The following BRIP1 variants were observed in gnomAD, a reference collection of about 807,000 sequenced individuals.
The protein encoded by BRIP1 is Fanconi anemia group J protein.
BRIP1 carries 88 observed loss-of-function variants against 119.7 expected under a neutral mutation model. The ratio of observed to expected loss-of-function variants is 0.74; its 90% confidence interval spans 0.62 to 0.88. BRIP1 has a LOEUF of 0.88. BRIP1 is among the 40% of genes least tolerant of loss of function. The pLI is 0.00. For missense variants in BRIP1, 1,259 were observed against 1,455.4 expected (o/e 0.87, Z 2.20); for synonymous variants, 443 against 496.5 (o/e 0.89, Z 1.43).
At position 61,689,026 on chromosome 17, in the gene BRIP1, C is replaced by CTGTTATGTTATGTTATGTTATGTTA. The variant is rs142198967; in HGVS notation, c.2576-2886_2576-2862dup. On this transcript the variant is annotated intron_variant, in intron 18 of 19. Transcript: ENST00000259008. The surrounding 1 kb of genome is among the most constrained non-coding windows in gnomAD (Gnocchi z 4.5). ...TACTTTATTTTATATATTTTATATT[C>CTGTTATGTTATGTTATGTTATGTTA]TGTTATGTTATGTTATGTTATGTTA... Among the ~76,000 whole-genome samples the CTGTTATGTTATGTTATGTTATGTTA allele has an allele frequency of 0.18, 26,749 of 145,462 alleles. 2,717 individuals carry two copies. The highest frequency in any genetic ancestry group is 0.33 in the East Asian group (1,625 of 4,894).
intron 16 of BRIP1, among the ~76,000 whole-genome samples, chr17:61,727,197 G>C (rs1319264096): frequency 6.6e-6 from 1 of 152,058 alleles, no homozygotes; most frequent in East Asian, 1.9e-4. Flanking sequence ...GTAATATGAC[G>C]CATAATGGCA....
chr17:61,728,653 CAA>C (rs768252464), intron 16 of BRIP1, among the ~76,000 whole-genome samples: 59 of 152,068 alleles, frequency 3.9e-4, no homozygotes, highest in Non-Finnish European at 7.6e-4. Flanking sequence ...AAGCAAGAAA[CAA>C]GAGGAAGATC....
chr17:61,786,827 TTTTA>T (rs923671248), intron 10 of BRIP1, among the ~76,000 whole-genome samples: 1 of 128,610 alleles, frequency 7.8e-6, no homozygotes, highest in African/African-American at 2.9e-5. Flanking sequence ...TATAAATATA[TTTTA>T]TATAATATAT....
rs1045154931 is a variant in BRIP1, at chr17:61,851,009, C to G, written c.380-1753G>C. ...TTGGGAGGCCGAGGCAGGTGGATCA[C>G]CTGAGGCCAGGAGTTTGAGACCAGC... is the stretch of plus-strand genomic sequence containing the variant. On this transcript the variant is annotated intron_variant, in intron 4 of 19. Coordinates refer to ENST00000259008, the MANE Select transcript of BRIP1 (RefSeq NM_032043.3). This position sits in a 1 kb window ranked among gnomAD's most constrained non-coding sequence, Gnocchi z 4.6. 6.6e-6 allele frequency among the ~76,000 whole-genome samples: 1 copy of G among 152,096 alleles called. No individual in the cohort carries two copies. The highest frequency in any genetic ancestry group is 1.5e-5 in the Non-Finnish European group (1 of 68,010).
intron 16 of BRIP1, among the ~76,000 whole-genome samples, chr17:61,719,083 C>G (rs1369978925): frequency 1.3e-5 from 2 of 151,734 alleles, no homozygotes; most frequent in African/African-American, 2.4e-5. Context: ...CCCATAAATA[C>G]AGAGGGCCAG....
At position 61,774,442 on chromosome 17, in the gene BRIP1, G is replaced by A. The variant is rs980592457; in HGVS notation, c.2097+1959C>T. Among the ~76,000 whole-genome samples, 1 of 152,282 alleles carries A rather than the reference G, an allele frequency of 6.6e-6. No individual in the cohort carries two copies. The highest frequency in any genetic ancestry group is 6.5e-5 in the Admixed American group (1 of 15,294). ...ACACACTGGGGCCTGTTCTGGGGTGGGGGCCTAGGGGAGGGATAGCATTAG... is the reference window on the plus strand; with the variant it reads ...ACACACTGGGGCCTGTTCTGGGGTGAGGGCCTAGGGGAGGGATAGCATTAG... On this transcript the variant is annotated intron_variant, in intron 14 of 19. Transcript: ENST00000259008. This position sits in a 1 kb window ranked among gnomAD's most constrained non-coding sequence, Gnocchi z 5.8.
chr17:61,857,074 A>T lies in BRIP1; in HGVS notation c.363T>A (p.Thr121=), dbSNP rs876660306. ...ATAAATTACCTTGACAAGTTGATGA[A>T]GTGCCATTTCTTTCAGAAGGTGGTG... The part of the protein sequence containing the change: ...PSTPPSERNG[T]SSTCQDSPEK... The change falls in exon 4 of 20, where the codon ACT becomes ACA. Residue 121 remains threonine (T), a synonymous_variant. Coordinates refer to ENST00000259008, the MANE Select transcript of BRIP1 (RefSeq NM_032043.3). The surrounding 1 kb of genome is among the most constrained non-coding windows in gnomAD (Gnocchi z 5.1). 1 of 1,614,074 alleles carries T rather than the reference A, an allele frequency of 6.2e-7. No individual in the cohort carries two copies. Among genetic ancestry groups the T allele is most frequent in the Non-Finnish European group, 8.5e-7 (1 of 1,179,966 alleles).
chr17:61,707,140 T>C (rs2061701878), intron 17 of BRIP1, among the ~76,000 whole-genome samples: 1 of 152,170 alleles, frequency 6.6e-6, no homozygotes, highest in Non-Finnish European at 1.5e-5. Flanking sequence ...TATTTTGTCT[T>C]ATAGTTTATT....
chr17:61,808,126 T>C lies in BRIP1; in HGVS notation c.918+341A>G, dbSNP rs1489191416. Among the ~76,000 whole-genome samples, 1 of 152,180 alleles carries C rather than the reference T, an allele frequency of 6.6e-6. No individual in the cohort carries two copies. The highest frequency in any genetic ancestry group is 1.5e-5 in the Non-Finnish European group (1 of 68,010). ...TATAAAGTATATTAATTAGATCTAATTAGACTAAACCATTTAAACACTTCT... is the reference window on the plus strand; with the variant it reads ...TATAAAGTATATTAATTAGATCTAACTAGACTAAACCATTTAAACACTTCT... On this transcript the variant is annotated intron_variant, in intron 7 of 19. Coordinates refer to ENST00000259008, the MANE Select transcript of BRIP1 (RefSeq NM_032043.3). This position sits in a 1 kb window ranked among gnomAD's most constrained non-coding sequence, Gnocchi z 4.1.
chr17:61,781,074 TA>T, intron 11 of BRIP1, 69 bp from the exon 12 acceptor site: 1 of 1,435,744 alleles, frequency 7.0e-7, no homozygotes, highest in Non-Finnish European at 9.7e-7. Flanking sequence ...ACATACAATA[TA>T]AAAACTGATT....
In BRIP1 at chr17:61,807,748, A is replaced by T. The variant is rs1166014807; in HGVS notation, c.918+719T>A. Among the ~76,000 whole-genome samples the T allele has an allele frequency of 6.6e-6, 1 of 152,108 alleles. No individual in the cohort carries two copies. Among genetic ancestry groups the T allele is most frequent in the Non-Finnish European group, 1.5e-5 (1 of 67,986 alleles). ...TATGGTTCACTGATTTGGGGGTATA[A>T]TTTCATACTTGCAACTTCAATTTTA... On this transcript the variant is annotated intron_variant, in intron 7 of 19. Coordinates refer to ENST00000259008, the MANE Select transcript of BRIP1 (RefSeq NM_032043.3). This position sits in a 1 kb window ranked among gnomAD's most constrained non-coding sequence, Gnocchi z 4.5.
intron 10 of BRIP1, among the ~76,000 whole-genome samples, chr17:61,788,388 C>A (rs1010799845): frequency 9.2e-5 from 14 of 152,050 alleles, no homozygotes; most frequent in African/African-American, 2.9e-4. Flanking sequence ...AATGTAAATG[C>A]ATGAATTCTT....
At position 61,823,737 on chromosome 17, in the gene BRIP1, A is replaced by T. The variant is rs1417690442; in HGVS notation, c.628-14980T>A. Among the ~76,000 whole-genome samples the T allele has an allele frequency of 1.3e-5, 2 of 149,700 alleles. No individual in the cohort carries two copies. Among genetic ancestry groups the T allele is most frequent in the Non-Finnish European group, 3.0e-5 (2 of 67,726 alleles). On this transcript the variant is annotated intron_variant, in intron 6 of 19. Transcript: ENST00000259008. The surrounding 1 kb of genome is among the most constrained non-coding windows in gnomAD (Gnocchi z 4.8). ...TAAAACCATAGATCCAAAAAGCTCA[A>T]TGACCCCAAGCACACAATAAACACA...
Position 61,693,947 on chromosome 17 carries a change from T to G in BRIP1, c.2493-435A>C, listed in dbSNP as rs1378105041. 6.6e-6 allele frequency among the ~76,000 whole-genome samples: 1 copy of G among 152,156 alleles called. No individual in the cohort carries two copies. The highest frequency in any genetic ancestry group is 1.5e-5 in the Non-Finnish European group (1 of 67,968). ...AATTGACATAACATGTAGTTTTTCT[T>G]CTTTTGACTGTTAATATGGTAGATT... On this transcript the variant is annotated intron_variant, in intron 17 of 19. Transcript: ENST00000259008. This position sits in a 1 kb window ranked among gnomAD's most constrained non-coding sequence, Gnocchi z 4.2.
At position 61,859,823 on chromosome 17, in the gene BRIP1, C is replaced by A; in HGVS notation, c.178G>T (p.Ala60Ser). The change falls in exon 3 of 20, where the codon GCT (alanine) becomes TCT (serine). Residue 60 changes from alanine (A) to serine (S), a missense_variant. This residue lies in a region of BRIP1 where 501 missense variants were observed against 544.0 expected (regional missense o/e 0.92). Transcript: ENST00000259008. ...CTAAGAGATTGTTGCCATGCTAAAG[C>A]AGAACAAAGTAAGGCTAAGCTTTTT... is the stretch of plus-strand genomic sequence containing the variant. ...SGKSLALLCS[A>S]LAWQQSLSGK... 6.2e-7 allele frequency: 1 copy of A among 1,613,656 alleles called. No individual in the cohort carries two copies. Among genetic ancestry groups the A allele is most frequent in the Non-Finnish European group, 8.5e-7 (1 of 1,179,628 alleles).
chr17:61,750,482 G>A (rs2077116935), intron 14 of BRIP1, among the ~76,000 whole-genome samples: 1 of 152,086 alleles, frequency 6.6e-6, no homozygotes, highest in African/African-American at 2.4e-5. Context: ...GGCATCAAAA[G>A]CATAAGTAAC....
intron 11 of BRIP1, 152 bp downstream of exon 11, chr17:61,784,118 G>A (rs1193979950): frequency 7.4e-6 from 5 of 673,508 alleles, no homozygotes; most frequent in Middle Eastern, 8.7e-4. Context: ...CTCTAAGTCT[G>A]TGTCAATAAG....
rs1370370138 is a variant in BRIP1 at position 61,804,535 on chromosome 17, C to T, written c.919-3061G>A. Among the ~76,000 whole-genome samples the T allele has an allele frequency of 6.6e-6, 1 of 151,486 alleles. No homozygotes were observed. The highest frequency in any genetic ancestry group is 2.4e-5 in the African/African-American group (1 of 41,214). On this transcript the variant is annotated intron_variant, in intron 7 of 19. Transcript: ENST00000259008. The surrounding 1 kb of genome is among the most constrained non-coding windows in gnomAD (Gnocchi z 4.5). ...TCCCAAGTAGCTGGGATTACAAGCA[C>T]GCATCACCATGCCCAGCTAATTTTT...
rs1383150608 is a variant in BRIP1 at position 61,734,357 on chromosome 17, C to G, written c.2379+8656G>C. On this transcript the variant is annotated intron_variant, in intron 16 of 19. Transcript: ENST00000259008. The surrounding 1 kb of genome is among the most constrained non-coding windows in gnomAD (Gnocchi z 5.2). ...ATAAAAGCCTTGGTTCATTCTCATG[C>G]CCCTCAAATGCTTTGGTTTAGTGCA... Among the ~76,000 whole-genome samples, 5 of 152,170 alleles carry G rather than the reference C, an allele frequency of 3.3e-5. No homozygotes were observed. Among genetic ancestry groups the G allele is most frequent in the Non-Finnish European group, 5.9e-5 (4 of 68,024 alleles).
Sources: allele counts gnomAD v4.1 joint callset (sites outside exome capture counted in the v4.1 genomes callset), GRCh38; gene constraint gnomAD v4.1.1; regional missense constraint gnomAD v4.1.1; non-coding constraint Gnocchi (gnomAD v3.1); transcripts MANE v1.5; gene names NCBI Gene and HGNC (gene_info 2026-07-23, HGNC 2026-07-21).